Variants in SEPTIN9 observed in about 807,000 individuals in gnomAD.
SEPTIN9 encodes the protein septin-9.
In SEPTIN9, 13 loss-of-function variants were observed where a neutral mutation model predicts 56.6. The ratio of observed to expected loss-of-function variants is 0.23; its 90% CI spans 0.15 to 0.37. The LOEUF (loss-of-function observed/expected upper bound fraction) is 0.37. SEPTIN9 is among the 10% of genes least tolerant of loss of function. The pLI is 1.00. For synonymous variants in SEPTIN9, 332 were observed against 334.1 expected (o/e 0.99, Z 0.07); for missense variants, 650 against 823.1 (o/e 0.79, Z 2.57).
intron 4 of SEPTIN9, among the ~76,000 whole-genome samples, chr17:77,485,746 G>A (rs1484991493): frequency 6.6e-6 from 1 of 151,984 alleles, no homozygotes; most frequent in Non-Finnish European, 1.5e-5. Flanking sequence ...TTCAGGCCAG[G>A]GATTCCCAGC....
At chr17:77,438,949 G>A (rs1450565953) in intron 3 of SEPTIN9, among the ~76,000 whole-genome samples, 4 of 152,198 alleles carry the variant, frequency 2.6e-5, no homozygotes, top group African/African-American at 9.6e-5. Context: ...AGAAAACCCC[G>A]TAGCAAATCC....
At chr17:77,281,875 C>A (rs8070090) in intron 1 of SEPTIN9, 7 of 399,288 alleles carry the variant, frequency 1.8e-5, no homozygotes, top group Non-Finnish European at 3.2e-5. Flanking sequence ...GGTCCCTGTG[C>A]GTCTGTGTGG....
At chr17:77,373,375 G>A (rs1480306108) in intron 2 of SEPTIN9, 10 of 1,211,130 alleles carry the variant, frequency 8.3e-6, no homozygotes, top group South Asian at 3.8e-5. Flanking sequence ...GGGCTCCTCC[G>A]GCGGCTAGCT....
At chr17:77,477,191 G>A (rs1419027562) in intron 3 of SEPTIN9, among the ~76,000 whole-genome samples, 2 of 145,610 alleles carry the variant, frequency 1.4e-5, no homozygotes, top group African/African-American at 2.6e-5. Flanking sequence ...TACACCATCC[G>A]CCGATTCAGA....
intron 2 of SEPTIN9, among the ~76,000 whole-genome samples, chr17:77,357,007 G>C (rs746696356): frequency 6.6e-6 from 1 of 151,854 alleles, no homozygotes; most frequent in African/African-American, 2.4e-5. Flanking sequence ...CTGTCGGCCA[G>C]ACGTCCAGAA....
chr17:77,490,074 G>A (rs2039958468), intron 7 of SEPTIN9, among the ~76,000 whole-genome samples: 1 of 152,262 alleles, frequency 6.6e-6, no homozygotes, highest in Admixed American at 6.5e-5. Flanking sequence ...CCCGCCCAAG[G>A]CGTCCAGTCC....
In SEPTIN9 at chr17:77,429,640, TG is replaced by T. The variant is rs1302680460; in HGVS notation, c.721+26941del. Among the ~76,000 whole-genome samples the T allele has an allele frequency of 6.6e-6, 1 of 151,960 alleles. No individual in the cohort carries two copies. Among genetic ancestry groups the T allele is most frequent in the African/African-American group, 2.4e-5 (1 of 41,364 alleles). ...GGTGCTGGTGTGGAGTTTGCACAGA[TG>T]GGGATAATGAGCTGGAGGGTGCTGG... is the stretch of plus-strand genomic sequence containing the variant. On this transcript the variant is annotated intron_variant, in intron 3 of 11. Transcript: ENST00000427177. The surrounding 1 kb of genome is among the most constrained non-coding windows in gnomAD (Gnocchi z 5.2).
chr17:77,420,056 C>G (rs1375695600), intron 3 of SEPTIN9, among the ~76,000 whole-genome samples: 3 of 152,182 alleles, frequency 2.0e-5, no homozygotes, highest in Non-Finnish European at 4.4e-5. Context: ...GTCCCTCCCC[C>G]AGGTGCCTGG....
In SEPTIN9 at chr17:77,441,311, C is replaced by CCTGAGCAGCCACCAGTGCCATCAGGT. The variant is rs1332770638; in HGVS notation, c.721+38613_721+38638dup. 8.5e-5 allele frequency among the ~76,000 whole-genome samples: 13 copies of CCTGAGCAGCCACCAGTGCCATCAGGT among 152,354 alleles called. No individual in the cohort carries two copies. The East Asian group carries it at 2.5e-3, about 29-fold the overall frequency. On this transcript the variant is annotated intron_variant, in intron 3 of 11. Transcript: ENST00000427177. ...CTGACAACAGTCTCATGCCAGATAG[C>CCTGAGCAGCCACCAGTGCCATCAGGT]CTGAGCAGCCACCAGTGCCATCAGG...
chr17:77,292,927 T>G (rs1406444509), intron 1 of SEPTIN9, among the ~76,000 whole-genome samples: 1 of 152,210 alleles, frequency 6.6e-6, no homozygotes, highest in African/African-American at 2.4e-5. Context: ...ACCTTTCTCA[T>G]GCATGCGGTT....
chr17:77,406,027 C>T (rs571911862), intron 3 of SEPTIN9, among the ~76,000 whole-genome samples: 6 of 152,356 alleles, frequency 3.9e-5, no homozygotes, highest in Middle Eastern at 3.4e-3. Flanking sequence ...CTTCTGCCTG[C>T]GGGAGGGCAT....
At chr17:77,415,922 A>G (rs1258768457) in intron 3 of SEPTIN9, among the ~76,000 whole-genome samples, 1 of 152,256 alleles carries the variant, frequency 6.6e-6, no homozygotes, top group Non-Finnish European at 1.5e-5. Context: ...AAGGTGTGTC[A>G]GGCACTTGTC....
chr17:77,420,754 C>G (rs2036673007), intron 3 of SEPTIN9, among the ~76,000 whole-genome samples: 1 of 152,184 alleles, frequency 6.6e-6, no homozygotes, highest in Admixed American at 6.5e-5. Flanking sequence ...GACGACTTTC[C>G]TGGTCCTTCT....
At chr17:77,379,376 G>A (rs964074604) in intron 2 of SEPTIN9, among the ~76,000 whole-genome samples, 2 of 152,100 alleles carry the variant, frequency 1.3e-5, no homozygotes, top group African/African-American at 4.8e-5. Context: ...CTGTCTTGGT[G>A]GTGGAGAGCG....
At chr17:77,448,407 C>T (rs1279423421) in intron 3 of SEPTIN9, among the ~76,000 whole-genome samples, 1 of 151,314 alleles carries the variant, frequency 6.6e-6, no homozygotes, top group Non-Finnish European at 1.5e-5. Context: ...ACTCAGGAGA[C>T]GGAGGTTGCA....
At chr17:77,388,808 C>A (rs865939982) in intron 2 of SEPTIN9, among the ~76,000 whole-genome samples, 1 of 94,196 alleles carries the variant, frequency 1.1e-5, no homozygotes, top group Non-Finnish European at 2.0e-5. Context: ...TGGTGTTAGG[C>A]GCTTTTTTTT....
chr17:77,320,108 T>G, intron 2 of SEPTIN9: 1 of 1,450,762 alleles, frequency 6.9e-7, no homozygotes, highest in Non-Finnish European at 9.1e-7. Context: ...CTACTTCAGT[T>G]TGGAGCACAA....
chr17:77,373,746 C>G (rs1281147898), intron 2 of SEPTIN9: 4 of 1,171,550 alleles, frequency 3.4e-6, no homozygotes, highest in Non-Finnish European at 3.4e-6. Flanking sequence ...ACGTGGGGGA[C>G]CCTGTTAGGG....
At chr17:77,419,442 G>A (rs2036618587) in intron 3 of SEPTIN9, among the ~76,000 whole-genome samples, 2 of 152,110 alleles carry the variant, frequency 1.3e-5, no homozygotes, top group Admixed American at 1.3e-4. Context: ...GGGGATGGTG[G>A]TCTGTTGCCC....
Sources: allele counts gnomAD v4.1 joint callset (sites outside exome capture counted in the v4.1 genomes callset), GRCh38; gene constraint gnomAD v4.1.1; non-coding constraint Gnocchi (gnomAD v3.1); transcripts MANE v1.5; gene names NCBI Gene and HGNC (gene_info 2026-07-23, HGNC 2026-07-21).